Variants in CSGALNACT1 observed in about 807,000 individuals in gnomAD.
The protein encoded by CSGALNACT1 is chondroitin sulfate N-acetylgalactosaminyltransferase 1, also known as beta4GalNAcT-1.
Under a neutral mutation model 51.0 loss-of-function variants are expected in CSGALNACT1, and 52 were observed. The observed-to-expected ratio is 1.02, with a 90% CI of 0.82 to 1.29. The LOEUF (loss-of-function observed/expected upper bound fraction) is 1.29, where lower values mean the gene tolerates loss of function less well. CSGALNACT1 is among the 50% of genes most tolerant of loss of function. The pLI is 0.00. For missense variants in CSGALNACT1, 935 were observed against 679.2 expected, an observed-to-expected ratio of 1.38 and a Z score of -4.19; for synonymous variants, 341 against 254.4, an observed-to-expected ratio of 1.34 and a Z score of -3.24.
chr8:19,627,356 T>G (rs1564292421), intron 1 of CSGALNACT1, among the ~76,000 whole-genome samples: 1 of 152,164 alleles, frequency 6.6e-6, no homozygotes, highest in Non-Finnish European at 1.5e-5. Flanking sequence ...GATCCACGGC[T>G]GCTGGAAGGG....
intron 8 of CSGALNACT1, among the ~76,000 whole-genome samples, chr8:19,409,560 G>C (rs867045378): frequency 6.6e-6 from 1 of 152,074 alleles, no homozygotes; most frequent in Non-Finnish European, 1.5e-5. Context: ...CACGTATTCA[G>C]CTGAGAGAAC....
intron 1 of CSGALNACT1, among the ~76,000 whole-genome samples, chr8:19,713,020 C>T (rs763881141): frequency 1.3e-5 from 2 of 152,208 alleles, no homozygotes; most frequent in Non-Finnish European, 2.9e-5. Context: ...CTGGAATATT[C>T]TCTCTTCCTC....
intron 3 of CSGALNACT1, among the ~76,000 whole-genome samples, chr8:19,516,020 G>C (rs771665652): frequency 6.6e-6 from 1 of 152,184 alleles, no homozygotes; most frequent in South Asian, 2.1e-4. Flanking sequence ...GCCAAACCCC[G>C]CAAGGAGACC....
chr8:19,440,650 A>C (rs1426614405), intron 5 of CSGALNACT1, among the ~76,000 whole-genome samples: 1 of 152,144 alleles, frequency 6.6e-6, no homozygotes, highest in African/African-American at 2.4e-5. Flanking sequence ...CCCTTTGAAA[A>C]CTGGCACAAG....
At chr8:19,466,478 A>ATTTTACT (rs1290732260) in intron 4 of CSGALNACT1, among the ~76,000 whole-genome samples, 2 of 152,204 alleles carry the variant, frequency 1.3e-5, no homozygotes, top group Non-Finnish European at 2.9e-5. Flanking sequence ...AGGAACCGGT[A>ATTTTACT]AATGCTTAGT....
rs533031819 is a variant in CSGALNACT1 at position 19,655,657 on chromosome 8, G to A, written c.-544+26816C>T. On this transcript the variant is annotated intron_variant, in intron 1 of 9. Transcript: ENST00000332246. ...TATAGTCTCAAACTCCTGTCCTCAA[G>A]TGACCTGCCCTCAGCCTCTCAAAGT... is the stretch of plus-strand genomic sequence containing the variant. 3.9e-5 allele frequency among the ~76,000 whole-genome samples: 6 copies of A among 152,122 alleles called. No homozygotes were observed. The South Asian group carries it at 1.2e-3, about 32-fold the overall frequency.
chr8:19,673,637 T>A (rs1443451652), intron 1 of CSGALNACT1, among the ~76,000 whole-genome samples: 3 of 152,170 alleles, frequency 2.0e-5, no homozygotes, highest in Non-Finnish European at 2.9e-5. Context: ...CCAGTTCCAG[T>A]AGGTAAGAGT....
intron 3 of CSGALNACT1, among the ~76,000 whole-genome samples, chr8:19,517,553 G>A (rs936003183): frequency 3.3e-5 from 5 of 152,210 alleles, no homozygotes; most frequent in Non-Finnish European, 7.3e-5. Context: ...TGCTGATAAA[G>A]ACGTGCCCGA....
chr8:19,440,805 A>G (rs1029750062), intron 5 of CSGALNACT1, among the ~76,000 whole-genome samples: 2 of 152,122 alleles, frequency 1.3e-5, no homozygotes, highest in Non-Finnish European at 2.9e-5. Flanking sequence ...ACATGATTGT[A>G]TATCTAGAAA....
intron 1 of CSGALNACT1, among the ~76,000 whole-genome samples, chr8:19,650,376 G>C (rs1435917421): frequency 6.6e-6 from 1 of 152,120 alleles, no homozygotes; most frequent in African/African-American, 2.4e-5. Context: ...TCTCAAATTT[G>C]GTCAACAATT....
intron 4 of CSGALNACT1, among the ~76,000 whole-genome samples, chr8:19,475,701 C>A (rs1302217733): frequency 6.6e-6 from 1 of 152,146 alleles, no homozygotes; most frequent in African/African-American, 2.4e-5. Context: ...GTTTGTCAAC[C>A]CAACAGGAAC....
At position 19,486,508 on chromosome 8, in the gene CSGALNACT1, C is replaced by A. The variant is rs369949878; in HGVS notation, c.634+18693G>T. Among the ~76,000 whole-genome samples the A allele has an allele frequency of 3.3e-5, 5 of 152,296 alleles. No homozygotes were observed. In the East Asian group the frequency reaches 7.7e-4, roughly 24 times the overall value. ...TCATCTCCTCCTTTTCTCTCCCTCACTGGCTCTGCCCCTGCACACTGCCCC... is the reference window on the plus strand; with the variant it reads ...TCATCTCCTCCTTTTCTCTCCCTCAATGGCTCTGCCCCTGCACACTGCCCC... On this transcript the variant is annotated intron_variant, in intron 4 of 9. Transcript: ENST00000454498.
intron 3 of CSGALNACT1, among the ~76,000 whole-genome samples, chr8:19,524,170 G>A (rs373328256): frequency 1.3e-5 from 2 of 152,094 alleles, no homozygotes; most frequent in African/African-American, 4.8e-5. Flanking sequence ...CATTCCTGTA[G>A]TCCTAGCTCC....
At chr8:19,547,060 G>T (rs138458952) in intron 3 of CSGALNACT1, among the ~76,000 whole-genome samples, 59 of 152,242 alleles carry the variant, frequency 3.9e-4, no homozygotes, top group Middle Eastern at 3.4e-3. Flanking sequence ...AGACTCTCCT[G>T]GGTTTTCTAT....
intron 8 of CSGALNACT1, among the ~76,000 whole-genome samples, chr8:19,415,647 G>T (rs2056723997): frequency 6.6e-6 from 1 of 152,210 alleles, no homozygotes; most frequent in Non-Finnish European, 1.5e-5. Flanking sequence ...CTTTTGGATT[G>T]TAAAACGAAA....
intron 1 of CSGALNACT1, among the ~76,000 whole-genome samples, chr8:19,620,998 A>C (rs2053755660): frequency 6.6e-6 from 1 of 152,218 alleles, no homozygotes; most frequent in African/African-American, 2.4e-5. Context: ...TTAACACCGT[A>C]AAAATGTTGT....
intron 1 of CSGALNACT1, among the ~76,000 whole-genome samples, chr8:19,654,827 T>C (rs2058115534): frequency 6.6e-6 from 1 of 152,180 alleles, no homozygotes; most frequent in African/African-American, 2.4e-5. Context: ...ATTACAGGCA[T>C]GAGCCACTGT....
chr8:19,601,349 A>C (rs2154144526), intron 2 of CSGALNACT1, among the ~76,000 whole-genome samples: 1 of 152,312 alleles, frequency 6.6e-6, no homozygotes, highest in Non-Finnish European at 1.5e-5. Context: ...GCAAAGTCAA[A>C]ATTAGAGTAC....
intron 1 of CSGALNACT1, among the ~76,000 whole-genome samples, chr8:19,722,539 C>G (rs1164979590): frequency 6.6e-6 from 1 of 152,108 alleles, no homozygotes; most frequent in Admixed American, 6.6e-5. Flanking sequence ...AAGTCAACAC[C>G]ATTTGCACAT....
Sources: allele counts gnomAD v4.1 joint callset (sites outside exome capture counted in the v4.1 genomes callset), GRCh38; gene constraint gnomAD v4.1.1; transcripts MANE v1.5; gene names NCBI Gene and HGNC (gene_info 2026-07-23, HGNC 2026-07-21).